The following KYAT3 variants were observed in gnomAD, a reference collection of about 807,000 sequenced individuals.
The protein encoded by KYAT3 is kynurenine--oxoglutarate transaminase 3.
In KYAT3, 50 loss-of-function variants were observed where a neutral mutation model predicts 59.0. That is an observed-to-expected ratio of 0.85 (90% confidence interval 0.68 to 1.07). The LOEUF is 1.07. KYAT3 is among the 50% of genes least tolerant of loss of function. KYAT3 has a pLI of 0.00. For missense variants in KYAT3, 497 were observed against 533.3 expected (o/e 0.93, Z 0.67); for synonymous variants, 148 against 177.0 (o/e 0.84, Z 1.30).
intron 13 of KYAT3, among the ~76,000 whole-genome samples, chr1:88,938,263 C>T (rs545005625): frequency 6.6e-6 from 1 of 152,324 alleles, no homozygotes; most frequent in African/African-American, 2.4e-5. Flanking sequence ...CTATCTTCCT[C>T]AGCCACTCAG....
intron 11 of KYAT3, among the ~76,000 whole-genome samples, chr1:88,944,351 G>A (rs1675355014): frequency 6.6e-6 from 1 of 152,126 alleles, no homozygotes; most frequent in Admixed American, 6.5e-5. Flanking sequence ...CTTTGACACT[G>A]AAGAAAGGTT....
chr1:88,945,908 T>C (rs952482223), intron 11 of KYAT3, among the ~76,000 whole-genome samples: 4 of 152,216 alleles, frequency 2.6e-5, no homozygotes, highest in Non-Finnish European at 5.9e-5. Flanking sequence ...AAAAAAATCT[T>C]GTTTTCATTA....
At chr1:88,942,711 C>T (rs12732490) in intron 13 of KYAT3, among the ~76,000 whole-genome samples, 43,271 of 151,712 alleles carry the variant, frequency 0.29, 7,535 homozygotes, top group Non-Finnish European at 0.38. Flanking sequence ...TACAAGTGCC[C>T]GCCACCATGC....
chr1:88,983,861 T>C, intron 2 of KYAT3: 1 of 1,606,292 alleles, frequency 6.2e-7, no homozygotes, highest in Non-Finnish European at 8.5e-7. Flanking sequence ...GGGGTGACAG[T>C]GGGTTCAAGC....
In KYAT3 at chr1:88,953,093, G is replaced by A; in HGVS notation, c.924C>T (p.Asn308=). 6.2e-7 allele frequency: 1 copy of A among 1,612,840 alleles called. No individual in the cohort carries two copies. The highest frequency in any genetic ancestry group is 1.1e-5 in the South Asian group (1 of 91,056). ...AAGGAGTTGCACAAGTATAAATCGTGTTTTGTTGAACTGTCTGTAAATGTT... is the reference window on the plus strand; with the variant it reads ...AAGGAGTTGCACAAGTATAAATCGTATTTTGTTGAACTGTCTGTAAATGTT... The part of the protein sequence containing the change: ...LIKHLQTVQQ[N]TIYTCATPLQ... Residue 308 remains asparagine (N), a synonymous_variant, in exon 10 of 14, where the codon AAC becomes AAT. Coordinates refer to ENST00000260508, the MANE Select transcript of KYAT3 (RefSeq NM_001008661.3).
intron 2 of KYAT3, among the ~76,000 whole-genome samples, chr1:88,978,770 C>T (rs1435616167): frequency 1.3e-5 from 2 of 151,732 alleles, no homozygotes; most frequent in Non-Finnish European, 2.9e-5. Context: ...CTTGGCCTCT[C>T]AAAGTGCTGG....
chr1:88,988,208 G>T, intron 2 of KYAT3, 44 bp downstream of exon 2: 1 of 1,301,486 alleles, frequency 7.7e-7, no homozygotes, highest in Non-Finnish European at 1.1e-6. Context: ...TTTGGACAGT[G>T]CAGAATATGT....
chr1:88,959,383 C>T (rs780431047), intron 8 of KYAT3, among the ~76,000 whole-genome samples: 1 of 151,772 alleles, frequency 6.6e-6, no homozygotes, highest in Non-Finnish European at 1.5e-5. Context: ...TTGAGACCAG[C>T]TTGGCCAACA....
chr1:88,987,350 G>A (rs748232022), intron 2 of KYAT3, among the ~76,000 whole-genome samples: 31 of 152,142 alleles, frequency 2.0e-4, no homozygotes, highest in Non-Finnish European at 4.0e-4. Context: ...GTGGCATAAA[G>A]AGGAGAGAAT....
Position 88,969,425 on chromosome 1 carries a change from G to A in KYAT3, c.142C>T (p.Leu48Phe). Residue 48 changes from leucine (L) to phenylalanine (F), a missense_variant, in exon 3 of 14, where the codon CTT (leucine) becomes TTT (phenylalanine). Around this residue, in one of 2 missense-constraint regions of KYAT3, gnomAD observed 469 missense variants for 479.1 expected, o/e 0.98. Coordinates refer to ENST00000260508, the MANE Select transcript of KYAT3 (RefSeq NM_001008661.3). ...GATACTCACCACACATTACTATCAA[G>A]TCCTTCAATCCGTTTTGCATTTGTG... ...KFTNAKRIEG[L>F]DSNVWIEFTK... 6.4e-7 allele frequency: 1 copy of A among 1,570,368 alleles called. No individual in the cohort carries two copies. The highest frequency in any genetic ancestry group is 1.1e-5 in the South Asian group (1 of 89,240).
intron 9 of KYAT3, 53 bp from the exon 10 acceptor site, chr1:88,953,205 T>C (rs1675753782): frequency 8.2e-7 from 1 of 1,215,678 alleles, no homozygotes; most frequent in African/African-American, 1.5e-5. Context: ...ATATAACAAA[T>C]CTGAGACAGC....
In KYAT3 at chr1:88,981,735, G is replaced by T; in HGVS notation, c.99+6517C>A. On this transcript the variant is annotated intron_variant, in intron 2 of 13. Coordinates refer to ENST00000260508, the MANE Select transcript of KYAT3 (RefSeq NM_001008661.3). The stretch of plus-strand genomic sequence containing the variant: ...TCAATCAGCACTCCACAAACATAAT[G>T]AGCACAATCTTCAACCATCTTTGCT... 1.7e-5 allele frequency: 3 copies of T among 180,472 alleles called. No homozygotes were observed. In the South Asian group the frequency reaches 4.9e-4, roughly 29 times the overall value. The allele number at this position is 180,472 out of a possible 1,614,324, so 11.2% of individuals were successfully genotyped here.
chr1:88,961,329 T>C, intron 7 of KYAT3, 42 bp from the exon 8 acceptor site: 3 of 1,613,498 alleles, frequency 1.9e-6, no homozygotes, highest in South Asian at 1.1e-5. Flanking sequence ...TTATTCAACA[T>C]GTGAGAAAAT....
chr1:88,933,150 C>T (rs1162197935), downstream of KYAT3, among the ~76,000 whole-genome samples: 2 of 152,186 alleles, frequency 1.3e-5, no homozygotes, highest in African/African-American at 2.4e-5. Context: ...TAACAGTCAT[C>T]CCCCTTTATT....
chr1:88,933,759 T>C (rs563902996), downstream of KYAT3, among the ~76,000 whole-genome samples: 1 of 152,220 alleles, frequency 6.6e-6, no homozygotes, highest in South Asian at 2.1e-4. Flanking sequence ...CTGCTGAAAA[T>C]TTTGTCAAGT....
intron 5 of KYAT3, 54 bp downstream of exon 5, chr1:88,964,775 G>A: frequency 7.5e-7 from 1 of 1,337,094 alleles, no homozygotes; most frequent in Non-Finnish European, 1.0e-6. Flanking sequence ...ATTCAAAGGT[G>A]GGACAAATGA....
chr1:88,988,480 T>C lies in KYAT3; in HGVS notation c.-1-129A>G, dbSNP rs57936914. 743 of 519,022 alleles carry C rather than the reference T, an allele frequency of 1.4e-3. 7 individuals are homozygous for C. Among genetic ancestry groups the C allele is most frequent in the African/African-American group, 0.013 (673 of 51,824 alleles). The allele number at this position is 519,022 out of a possible 1,614,324, so 32.2% of individuals were successfully genotyped here. A position where few individuals can be genotyped will look rare whatever the true frequency, so the allele number is the denominator to read the frequency against. On this transcript the variant is annotated intron_variant, in intron 1 of 13. Coordinates refer to ENST00000260508, the MANE Select transcript of KYAT3 (RefSeq NM_001008661.3). ...CAAGTAAACATTTTTGATAAGTGAG[T>C]TTGCTTTCTTTCAAGTTTTCTTTCT...
chr1:88,961,345 G>T, intron 7 of KYAT3, 36 bp downstream of exon 7: 1 of 1,613,588 alleles, frequency 6.2e-7, no homozygotes, highest in South Asian at 1.1e-5. Context: ...AAAATGATAG[G>T]TCAGAAGACT....
intron 13 of KYAT3, among the ~76,000 whole-genome samples, chr1:88,942,655 C>T (rs142013830): frequency 0.046 from 6,983 of 152,024 alleles, 204 homozygotes; most frequent in Admixed American, 0.073. Context: ...CTCTTCCTCG[C>T]GGGTTCACGC....
Sources: allele counts gnomAD v4.1 joint callset (sites outside exome capture counted in the v4.1 genomes callset), GRCh38; gene constraint gnomAD v4.1.1; regional missense constraint gnomAD v4.1.1; transcripts MANE v1.5; gene names NCBI Gene and HGNC (gene_info 2026-07-23, HGNC 2026-07-21).